The following SLC39A8 variants were observed in gnomAD, a reference collection of about 807,000 sequenced individuals.
SLC39A8 encodes solute carrier family 39 member 8, also known as metal cation symporter ZIP8.
Under a neutral mutation model 40.4 loss-of-function variants are expected in SLC39A8, and 15 were observed. The observed-to-expected ratio is 0.37, with a 90% CI of 0.25 to 0.57. The LOEUF (loss-of-function observed/expected upper bound fraction) is 0.57, where lower values mean the gene tolerates loss of function less well. Ranked by LOEUF, SLC39A8 falls within the 20% of genes least tolerant of loss-of-function variation. SLC39A8 has a pLI of 0.75. For missense variants in SLC39A8, 472 were observed against 558.8 expected (o/e 0.84, Z 1.57); for synonymous variants, 223 against 221.6 (o/e 1.01, Z -0.06).
chr4:102,328,915 C>T (rs1259459667), intron 2 of SLC39A8, among the ~76,000 whole-genome samples: 1 of 151,686 alleles, frequency 6.6e-6, no homozygotes, highest in South Asian at 2.1e-4. Flanking sequence ...GTAGTCCCAG[C>T]TACTCGGGAG....
Position 102,307,488 on chromosome 4 carries a change from C to G in SLC39A8, c.500G>C (p.Gly167Ala), listed in dbSNP as rs1262995015. Residue 167 changes from glycine to alanine, a missense_variant, in exon 4 of 9, where the codon GGG becomes GCG. By Grantham distance (60) the Gly-to-Ala change is moderately conservative (BLOSUM62 0). Around this residue, in one of 4 missense-constraint regions of SLC39A8, gnomAD observed 239 missense variants for 317.9 expected, o/e 0.75. Coordinates refer to ENST00000356736, the MANE Select transcript of SLC39A8 (RefSeq NM_001135146.2). ...YFPKILTFFV[G>A]LAIGTLFSNA... ...TGAAAAAAGAGTCCCAATAGCCAGC[C>G]CCACAAAAAAGGTCAAAATCTTTGG... 13 of 1,613,186 alleles carry G rather than the reference C, an allele frequency of 8.1e-6. No homozygotes were observed. Among genetic ancestry groups the G allele is most frequent in the Middle Eastern group, 1.6e-4 (1 of 6,076 alleles).
chr4:102,291,886 T>C (rs1048421837), intron 6 of SLC39A8, among the ~76,000 whole-genome samples: 1 of 151,934 alleles, frequency 6.6e-6, no homozygotes, highest in Non-Finnish European at 1.5e-5. Context: ...AAGGAAATCC[T>C]GTCATTTCCT....
downstream of SLC39A8, among the ~76,000 whole-genome samples, chr4:102,258,964 C>T (rs1384534124): frequency 1.3e-5 from 2 of 152,204 alleles, no homozygotes; most frequent in Non-Finnish European, 2.9e-5. Context: ...TGGGAATATT[C>T]GTCTACCTTT....
chr4:102,325,365 C>A (rs894173719), intron 2 of SLC39A8, among the ~76,000 whole-genome samples: 1 of 152,058 alleles, frequency 6.6e-6, no homozygotes, highest in Non-Finnish European at 1.5e-5. Flanking sequence ...GGCACTGATG[C>A]CACCAACACA....
At chr4:102,342,291 G>A (rs143227079) in intron 2 of SLC39A8, among the ~76,000 whole-genome samples, 12 of 152,220 alleles carry the variant, frequency 7.9e-5, no homozygotes, top group African/African-American at 1.9e-4. Context: ...ACCTGAGGTC[G>A]GGAGTTTGAG....
chr4:102,291,746 A>C (rs1377312849), intron 6 of SLC39A8, among the ~76,000 whole-genome samples: 2 of 152,000 alleles, frequency 1.3e-5, no homozygotes, highest in African/African-American at 4.8e-5. Flanking sequence ...GCTCTCTTCT[A>C]ATGAACCTGA....
chr4:102,262,621 A>G lies in SLC39A8; in HGVS notation c.*423T>C. ...TGATGTACTTGCTCTTGAAAGCACTAGAACAAATTAATTGAAATAAAACCT... is the reference window on the plus strand; with the variant it reads ...TGATGTACTTGCTCTTGAAAGCACTGGAACAAATTAATTGAAATAAAACCT... On this transcript the variant is annotated 3_prime_UTR_variant, in exon 9 of 9. Coordinates refer to ENST00000356736, the MANE Select transcript of SLC39A8 (RefSeq NM_001135146.2). The G allele has an allele frequency of 1.4e-5, 14 of 986,484 alleles. No homozygotes were observed. Among genetic ancestry groups the G allele is most frequent in the Non-Finnish European group, 1.7e-5 (14 of 830,532 alleles). The allele number at this position is 986,484 out of a possible 1,614,324, so 61.1% of individuals were successfully genotyped here.
intron 6 of SLC39A8, among the ~76,000 whole-genome samples, chr4:102,284,082 C>A (rs1044189845): frequency 1.3e-5 from 2 of 152,180 alleles, no homozygotes; most frequent in African/African-American, 4.8e-5. Context: ...TAATTCCCTG[C>A]AGGACATTTT....
chr4:102,331,935 A>C (rs1028357181), intron 2 of SLC39A8, among the ~76,000 whole-genome samples: 12 of 152,212 alleles, frequency 7.9e-5, no homozygotes, highest in African/African-American at 2.9e-4. Flanking sequence ...CTATTTAATA[A>C]ATGGTGTTGG....
intron 6 of SLC39A8, among the ~76,000 whole-genome samples, chr4:102,292,492 C>G (rs1578581865): frequency 1.3e-5 from 2 of 152,170 alleles, no homozygotes; most frequent in Admixed American, 1.3e-4. Context: ...ATAAATTGCT[C>G]TTACATGAAC....
At chr4:102,325,509 T>A (rs1735158238) in intron 2 of SLC39A8, among the ~76,000 whole-genome samples, 1 of 152,204 alleles carries the variant, frequency 6.6e-6, no homozygotes, top group South Asian at 2.1e-4. Context: ...TTTTCCTGAA[T>A]ATACAATTTA....
chr4:102,328,180 T>C (rs769907314), intron 2 of SLC39A8, among the ~76,000 whole-genome samples: 6 of 152,224 alleles, frequency 3.9e-5, no homozygotes, highest in African/African-American at 1.2e-4. Context: ...CCCATGGAAA[T>C]GCATGAATAC....
At chr4:102,292,816 G>C (rs1733509033) in intron 6 of SLC39A8, among the ~76,000 whole-genome samples, 1 of 152,002 alleles carries the variant, frequency 6.6e-6, no homozygotes, top group South Asian at 2.1e-4. Context: ...ATAAGATTTA[G>C]TATTTAATGC....
chr4:102,313,440 T>C (rs1193715283), intron 3 of SLC39A8, among the ~76,000 whole-genome samples: 1 of 152,166 alleles, frequency 6.6e-6, no homozygotes, highest in Non-Finnish European at 1.5e-5. Context: ...ATTTCTTTTA[T>C]TCATATAGAG....
At chr4:102,264,247 C>T (rs137871394) in intron 8 of SLC39A8, among the ~76,000 whole-genome samples, 8 of 152,262 alleles carry the variant, frequency 5.3e-5, no homozygotes, top group African/African-American at 9.6e-5. Flanking sequence ...CCATGGACTG[C>T]GGAATGTATG....
chr4:102,316,563 T>C, intron 2 of SLC39A8, among the ~76,000 whole-genome samples: 1 of 152,282 alleles, frequency 6.6e-6, no homozygotes, highest in Non-Finnish European at 1.5e-5. Flanking sequence ...AGCTCTTCCA[T>C]ATACAGTACT....
chr4:102,287,336 T>G (rs1284029402), intron 6 of SLC39A8, among the ~76,000 whole-genome samples: 1 of 152,122 alleles, frequency 6.6e-6, no homozygotes, highest in Non-Finnish European at 1.5e-5. Context: ...CTATAGCCAC[T>G]TTCTTGAATG....
intron 6 of SLC39A8, among the ~76,000 whole-genome samples, chr4:102,288,311 A>T (rs1055322562): frequency 1.3e-5 from 2 of 152,130 alleles, no homozygotes; most frequent in Non-Finnish European, 1.5e-5. Context: ...CTGTGCCCCC[A>T]TAAGATGGCA....
intron 6 of SLC39A8, among the ~76,000 whole-genome samples, chr4:102,298,173 A>AT (rs1038423424): frequency 6.6e-6 from 1 of 152,006 alleles, no homozygotes; most frequent in Non-Finnish European, 1.5e-5. Context: ...TTGTGGAGTA[A>AT]TAAAAAAAAA....
Sources: gnomAD v4.1 joint callset for allele counts (sites outside exome capture counted in the v4.1 genomes callset) on GRCh38, gnomAD v4.1.1 for gene constraint, gnomAD v4.1.1 regional missense constraint, MANE v1.5 for transcripts, NCBI Gene and HGNC (gene_info 2026-07-23, HGNC 2026-07-21) for gene names.